Variants in BICC1 observed in about 807,000 individuals in gnomAD.
BICC1 encodes the protein protein bicaudal C homolog 1.
Under a neutral mutation model 111.0 loss-of-function variants are expected in BICC1, and 43 were observed. The ratio of observed to expected loss-of-function variants is 0.39; its 90% CI spans 0.30 to 0.50. The LOEUF (loss-of-function observed/expected upper bound fraction) is 0.50, where lower values mean the gene tolerates loss of function less well. Among genes scored for constraint, BICC1 ranks in the 20% least tolerant of loss-of-function variants. BICC1 has a pLI of 0.88. For synonymous variants in BICC1, 467 were observed against 434.4 expected (o/e 1.07, Z -0.93); for missense variants, 1,091 against 1,203.2 (o/e 0.91, Z 1.38).
At chr10:58,774,221 A>AT in intron 3 of BICC1, among the ~76,000 whole-genome samples, 1 of 152,356 alleles carries the variant, frequency 6.6e-6, no homozygotes, top group East Asian at 1.9e-4. Flanking sequence ...AGCACAACAA[A>AT]TAAAAAGAGA....
intron 2 of BICC1, among the ~76,000 whole-genome samples, chr10:58,634,158 A>AT (rs1452306099): frequency 2.6e-5 from 4 of 151,690 alleles, no homozygotes; most frequent in African/African-American, 9.7e-5. Flanking sequence ...CGACTGGCTA[A>AT]TTTTTTGTAT....
At chr10:58,629,309 C>T (rs894708418) in intron 2 of BICC1, among the ~76,000 whole-genome samples, 3 of 68,990 alleles carry the variant, frequency 4.3e-5, no homozygotes, top group Non-Finnish European at 2.9e-5. Context: ...TCTAAATAGT[C>T]GTAGATTGAT....
At chr10:58,729,103 C>A (rs935736342) in intron 3 of BICC1, among the ~76,000 whole-genome samples, 2 of 152,314 alleles carry the variant, frequency 1.3e-5, no homozygotes, top group East Asian at 3.9e-4. Flanking sequence ...TATCCCCTGT[C>A]AAGAGCATCA....
At chr10:58,733,732 G>A (rs900201072) in intron 3 of BICC1, among the ~76,000 whole-genome samples, 8 of 152,220 alleles carry the variant, frequency 5.3e-5, no homozygotes, top group Admixed American at 2.0e-4. Context: ...GTTGATCAGG[G>A]CCAGTTGGCC....
intron 2 of BICC1, among the ~76,000 whole-genome samples, chr10:58,671,256 G>A (rs1588999460): frequency 6.6e-6 from 1 of 152,122 alleles, no homozygotes; most frequent in Non-Finnish European, 1.5e-5. Context: ...AAGTTGGAAG[G>A]GTATTTGTTA....
chr10:58,590,762 T>A (rs1356438146), intron 1 of BICC1, among the ~76,000 whole-genome samples: 1 of 152,184 alleles, frequency 6.6e-6, no homozygotes, highest in East Asian at 1.9e-4. Context: ...TCCCCATTGT[T>A]GTAGTTTTAT....
intron 15 of BICC1, among the ~76,000 whole-genome samples, chr10:58,803,903 G>C (rs1013689854): frequency 1.3e-5 from 2 of 152,150 alleles, no homozygotes; most frequent in African/African-American, 4.8e-5. Context: ...ATAAGGATTT[G>C]TGCTTTGTGC....
At chr10:58,568,903 T>C (rs1649042) in intron 1 of BICC1, among the ~76,000 whole-genome samples, 69,933 of 152,074 alleles carry the variant, frequency 0.46, 17,109 homozygotes, top group Admixed American at 0.62. Flanking sequence ...CCTCTTGGCT[T>C]GCCATGGAGT....
At chr10:58,756,088 C>T (rs1250658120) in intron 3 of BICC1, among the ~76,000 whole-genome samples, 1 of 152,140 alleles carries the variant, frequency 6.6e-6, no homozygotes, top group Non-Finnish European at 1.5e-5. Context: ...GTTCCATTTT[C>T]ACTTGTTTCT....
chr10:58,600,218 T>C (rs1844983038), intron 1 of BICC1, among the ~76,000 whole-genome samples: 2 of 152,132 alleles, frequency 1.3e-5, no homozygotes, highest in Admixed American at 1.3e-4. Context: ...GCATGTCACA[T>C]AGCACCCCGT....
intron 3 of BICC1, among the ~76,000 whole-genome samples, chr10:58,758,682 A>G (rs759648142): frequency 2.0e-5 from 3 of 152,178 alleles, no homozygotes; most frequent in Non-Finnish European, 2.9e-5. Context: ...TCTTCTCATC[A>G]TCGGTAAGTC....
intron 2 of BICC1, among the ~76,000 whole-genome samples, chr10:58,695,848 G>A (rs1226912941): frequency 6.6e-6 from 1 of 152,182 alleles, no homozygotes; most frequent in Non-Finnish European, 1.5e-5. Context: ...ATTATGACTT[G>A]AGGATTGAAG....
intron 14 of BICC1, 40 bp downstream of exon 14, chr10:58,801,086 A>G: frequency 2.0e-6 from 3 of 1,514,998 alleles, no homozygotes; most frequent in Non-Finnish European, 8.9e-7. Context: ...GATATTTTGA[A>G]ATGATATATA....
rs970140487 is a variant in BICC1 at position 58,730,576 on chromosome 10, T to G, written c.307+28433T>G. On this transcript the variant is annotated intron_variant, in intron 3 of 20. Transcript: ENST00000373886. ...CTCCTCCACACTACCCTATTAGAGGTTCTCAGTGAGGGCTCTGCCCCTGTA... is the reference window on the plus strand; with the variant it reads ...CTCCTCCACACTACCCTATTAGAGGGTCTCAGTGAGGGCTCTGCCCCTGTA... Among the ~76,000 whole-genome samples the G allele has an allele frequency of 2.6e-5, 4 of 152,136 alleles. No individual in the cohort carries two copies. The South Asian group carries it at 8.3e-4, about 32-fold the overall frequency.
intron 3 of BICC1, among the ~76,000 whole-genome samples, chr10:58,710,164 C>A (rs985787270): frequency 1.3e-5 from 2 of 152,106 alleles, no homozygotes; most frequent in African/African-American, 4.8e-5. Flanking sequence ...TTTTCATTTT[C>A]GGATGAAGAA....
chr10:58,793,954 A>G (rs1470929577), intron 9 of BICC1, among the ~76,000 whole-genome samples: 1 of 152,200 alleles, frequency 6.6e-6, no homozygotes, highest in South Asian at 2.1e-4. Context: ...ATATGTCATT[A>G]TATATTTAGT....
At position 58,682,442 on chromosome 10, in the gene BICC1, C is replaced by T. The variant is rs183971981; in HGVS notation, c.238-19632C>T. Among the ~76,000 whole-genome samples, 97 of 152,310 alleles carry T rather than the reference C, an allele frequency of 6.4e-4. 1 individual carries two copies. Among genetic ancestry groups the T allele is most frequent in the Non-Finnish European group, 8.8e-5 (6 of 68,040 alleles). On this transcript the variant is annotated intron_variant, in intron 2 of 20. Coordinates refer to ENST00000373886, the MANE Select transcript of BICC1 (RefSeq NM_001080512.3). ...GTTCTAGATCCTTGAGGAATTGCCACACTGTCTTCCACAGTGGTTGAACTA... is the reference window on the plus strand; with the variant it reads ...GTTCTAGATCCTTGAGGAATTGCCATACTGTCTTCCACAGTGGTTGAACTA...
chr10:58,717,113 T>C (rs558052460), intron 3 of BICC1, among the ~76,000 whole-genome samples: 3 of 152,368 alleles, frequency 2.0e-5, no homozygotes, highest in Admixed American at 1.3e-4. Context: ...GGAATTATTT[T>C]AAATAGACAC....
chr10:58,612,368 G>C (rs1845455769), intron 1 of BICC1, among the ~76,000 whole-genome samples: 1 of 152,074 alleles, frequency 6.6e-6, no homozygotes, highest in South Asian at 2.1e-4. Flanking sequence ...GAATTGGCTG[G>C]GTTGTCAGGG....
Sources: allele counts gnomAD v4.1 joint callset (sites outside exome capture counted in the v4.1 genomes callset), GRCh38; gene constraint gnomAD v4.1.1; transcripts MANE v1.5; gene names NCBI Gene and HGNC (gene_info 2026-07-23, HGNC 2026-07-21).